EPHA3: variants seen among roughly 807,000 people sequenced by gnomAD.
The protein encoded by EPHA3 is ephrin type-A receptor 3.
EPHA3 carries 42 observed loss-of-function variants against 107.1 expected under a neutral mutation model. That is an observed-to-expected ratio of 0.39 (90% CI 0.31 to 0.51). The LOEUF is 0.51. Ranked by LOEUF, EPHA3 falls within the 20% of genes least tolerant of loss-of-function variation. The pLI is 0.78. For synonymous variants in EPHA3, 461 were observed against 424.8 expected (o/e 1.09, Z -1.05); for missense variants, 1,183 against 1,211.2 (o/e 0.98, Z 0.35).
chr3:89,138,948 T>G (rs1254623005), intron 2 of EPHA3, among the ~76,000 whole-genome samples: 1 of 151,846 alleles, frequency 6.6e-6, no homozygotes, highest in Non-Finnish European at 1.5e-5. Context: ...GAAAATTATC[T>G]AGTAAACTAA....
chr3:89,450,092 T>G (rs1313277329), intron 14 of EPHA3, 85 bp from the exon 15 acceptor site: 1 of 1,145,518 alleles, frequency 8.7e-7, no homozygotes, highest in African/African-American at 1.6e-5. Context: ...AATAAGCATA[T>G]TTGTGAGCCC....
chr3:89,134,231 A>AAG (rs1704264776), intron 2 of EPHA3, among the ~76,000 whole-genome samples: 1 of 144,714 alleles, frequency 6.9e-6, no homozygotes, highest in South Asian at 2.2e-4. Flanking sequence ...TTTTAAAAAA[A>AAG]TTATACTTTA....
chr3:89,140,420 G>C (rs1303045997), intron 2 of EPHA3, among the ~76,000 whole-genome samples: 10 of 151,624 alleles, frequency 6.6e-5, no homozygotes, highest in South Asian at 2.1e-4. Flanking sequence ...GCTTTATTTT[G>C]TGCTTTCTGA....
intron 3 of EPHA3, among the ~76,000 whole-genome samples, chr3:89,218,316 G>GT (rs1282344606): frequency 7.9e-6 from 1 of 126,768 alleles, no homozygotes; most frequent in Non-Finnish European, 1.6e-5. Context: ...ACAGTCCCTG[G>GT]TGTGTGATGT....
chr3:89,254,172 A>G (rs1273354609), intron 3 of EPHA3, among the ~76,000 whole-genome samples: 1 of 152,208 alleles, frequency 6.6e-6, no homozygotes, highest in African/African-American at 2.4e-5. Context: ...ATACTTAGTA[A>G]CAATATAAAT....
chr3:89,408,236 A>C lies in EPHA3; in HGVS notation c.1762+105A>C. 2.8e-6 allele frequency: 3 copies of C among 1,068,778 alleles called. No individual in the cohort carries two copies. In the South Asian group the frequency reaches 4.3e-5, roughly 15 times the overall value. 66.2% of individuals were successfully genotyped at this position (1,068,778 alleles called of 1,614,324 possible). Reference sequence around the variant, plus strand: ...CTCCTGACAAAGAGACTTCAAAAGTAGTTTTATGGAAAAACTGAGTACATT... The same window carrying C: ...CTCCTGACAAAGAGACTTCAAAAGTCGTTTTATGGAAAAACTGAGTACATT... On this transcript the variant is annotated intron_variant, in intron 9 of 16. Coordinates refer to ENST00000336596, the MANE Select transcript of EPHA3 (RefSeq NM_005233.6).
intron 3 of EPHA3, among the ~76,000 whole-genome samples, chr3:89,279,819 A>G (rs1359881035): frequency 6.6e-6 from 1 of 152,186 alleles, no homozygotes; most frequent in African/African-American, 2.4e-5. Context: ...AATAAATAAT[A>G]TCAAAGGGTT....
rs150200337 is a variant in EPHA3, at chr3:89,471,766, ATAT to A, written c.2691-694_2691-692del. On this transcript the variant is annotated intron_variant, in intron 15 of 16. Coordinates refer to ENST00000336596, the MANE Select transcript of EPHA3 (RefSeq NM_005233.6). ...GTATGTGTGTGTGTATATATATAAAATATTATGTATATATCATGTGTATATAAA... is the reference window on the plus strand; with the variant it reads ...GTATGTGTGTGTGTATATATATAAAATATGTATATATCATGTGTATATAAA... Among the ~76,000 whole-genome samples the A allele has an allele frequency of 8.2e-3, 1,245 of 152,108 alleles. 13 individuals are homozygous for A. The highest frequency in any genetic ancestry group is 0.024 in the African/African-American group (992 of 41,506).
intron 5 of EPHA3, among the ~76,000 whole-genome samples, chr3:89,384,111 T>A (rs1708566182): frequency 6.6e-6 from 1 of 152,160 alleles, no homozygotes; most frequent in Admixed American, 6.5e-5. Flanking sequence ...TTGTTCAGAC[T>A]AAAAAGTTGT....
chr3:89,401,428 T>C (rs1051068408), intron 7 of EPHA3, among the ~76,000 whole-genome samples: 1 of 151,984 alleles, frequency 6.6e-6, no homozygotes, highest in African/African-American at 2.4e-5. Context: ...AAACAAAACA[T>C]GAAGTATGAT....
chr3:89,476,760 A>C (rs1462208392), intron 16 of EPHA3, among the ~76,000 whole-genome samples: 1 of 151,574 alleles, frequency 6.6e-6, no homozygotes, highest in Non-Finnish European at 1.5e-5. Flanking sequence ...GGCGCCCGCC[A>C]CCACGCCCCG....
intron 7 of EPHA3, among the ~76,000 whole-genome samples, chr3:89,405,601 A>G (rs532997101): frequency 2.6e-5 from 4 of 152,184 alleles, no homozygotes; most frequent in Admixed American, 2.0e-4. Context: ...CTTTTCTTGC[A>G]TTATTTAACT....
intron 2 of EPHA3, among the ~76,000 whole-genome samples, chr3:89,128,264 C>G (rs1192034708): frequency 6.6e-6 from 1 of 152,156 alleles, no homozygotes; most frequent in Non-Finnish European, 1.5e-5. Flanking sequence ...CTTCATCTAT[C>G]TGTCATCTTT....
intron 2 of EPHA3, among the ~76,000 whole-genome samples, chr3:89,170,212 C>A (rs1383439898): frequency 1.3e-5 from 2 of 149,816 alleles, no homozygotes; most frequent in Non-Finnish European, 3.0e-5. Context: ...GCAGAGATCG[C>A]GCCACTGCAC....
rs776798178 is a variant in EPHA3, at chr3:89,252,956, AT to A, written c.814+42438del. On this transcript the variant is annotated intron_variant, in intron 3 of 16. Coordinates refer to ENST00000336596, the MANE Select transcript of EPHA3 (RefSeq NM_005233.6). ...ACATTGTCTGAATTTAGGTTCTTTA[AT>A]TGGTTTACTTTAAACTTGCTTTACT... is the stretch of plus-strand genomic sequence containing the variant. Among the ~76,000 whole-genome samples the A allele has an allele frequency of 4.6e-4, 70 of 151,650 alleles. 1 individual carries two copies. Among genetic ancestry groups the A allele is most frequent in the Admixed American group, 7.2e-4 (11 of 15,218 alleles).
intron 3 of EPHA3, among the ~76,000 whole-genome samples, chr3:89,253,539 A>G (rs1390153047): frequency 1.3e-5 from 2 of 152,200 alleles, no homozygotes; most frequent in Non-Finnish European, 2.9e-5. Flanking sequence ...AAGTATATGC[A>G]TATATTTATT....
At chr3:89,354,682 T>C (rs1707905603) in intron 5 of EPHA3, among the ~76,000 whole-genome samples, 1 of 151,156 alleles carries the variant, frequency 6.6e-6, no homozygotes. Context: ...TTTTTATTAT[T>C]ATTAATTGCT....
At chr3:89,400,128 T>G in intron 7 of EPHA3, 1 of 879,672 alleles carries the variant, frequency 1.1e-6, no homozygotes. Context: ...AAATTATGTC[T>G]ATGGCACTAA....
At chr3:89,311,487 T>C (rs992496618) in intron 3 of EPHA3, among the ~76,000 whole-genome samples, 6 of 152,010 alleles carry the variant, frequency 3.9e-5, no homozygotes, top group African/African-American at 1.4e-4. Context: ...AAATTCTGCA[T>C]TTTGTTTCCA....
Sources: gnomAD v4.1 joint callset for allele counts (sites outside exome capture counted in the v4.1 genomes callset) on GRCh38, gnomAD v4.1.1 for gene constraint, MANE v1.5 for transcripts, NCBI Gene and HGNC (gene_info 2026-07-23, HGNC 2026-07-21) for gene names.